The following PMS1 variants were observed in gnomAD, a reference collection of about 807,000 sequenced individuals.
The protein encoded by PMS1 is PMS1 homolog 1, mismatch repair system component.
Under a neutral mutation model 93.1 loss-of-function variants are expected in PMS1, and 79 were observed. The observed-to-expected ratio is 0.85, with a 90% CI of 0.71 to 1.02. The LOEUF (loss-of-function observed/expected upper bound fraction) is 1.02. Ranked by LOEUF, PMS1 falls within the 50% of genes least tolerant of loss-of-function variation. The pLI, the probability that PMS1 is intolerant of heterozygous loss-of-function variation, is 0.00. For missense variants in PMS1, 1,064 were observed against 1,085.3 expected, an observed-to-expected ratio of 0.98 and a Z score of 0.28; for synonymous variants, 335 against 363.4, an observed-to-expected ratio of 0.92 and a Z score of 0.89.
At chr2:189,813,977 T>G (rs1234076573) in intron 4 of PMS1, among the ~76,000 whole-genome samples, 2 of 152,190 alleles carry the variant, frequency 1.3e-5, no homozygotes, top group Non-Finnish European at 2.9e-5. Context: ...AAGAATGAAG[T>G]GAGGTCTCTG....
intron 6 of PMS1, among the ~76,000 whole-genome samples, chr2:189,848,888 C>T (rs2054466795): frequency 6.6e-6 from 1 of 152,170 alleles, no homozygotes; most frequent in African/African-American, 2.4e-5. Context: ...GCCCTTTCTC[C>T]ATCCCTGGCC....
chr2:189,846,708 T>C (rs2054283100), intron 6 of PMS1, among the ~76,000 whole-genome samples: 1 of 152,084 alleles, frequency 6.6e-6, no homozygotes, highest in Admixed American at 6.6e-5. Flanking sequence ...TAAGTCCAAA[T>C]TTTCATGCCT....
intron 4 of PMS1, among the ~76,000 whole-genome samples, chr2:189,817,022 A>G (rs1321048409): frequency 6.6e-6 from 1 of 152,232 alleles, no homozygotes; most frequent in Non-Finnish European, 1.5e-5. Flanking sequence ...GTTCTCAACC[A>G]AGGCAACTTT....
chr2:189,855,182 A>G (rs2055181071), intron 9 of PMS1, 54 bp downstream of exon 9: 4 of 1,442,492 alleles, frequency 2.8e-6, no homozygotes, highest in Non-Finnish European at 1.9e-6. Flanking sequence ...TCCATTCTAT[A>G]TGACTCACTG....
At chr2:189,863,655 CA>C (rs1446424658) in intron 9 of PMS1, 87 bp from the exon 10 acceptor site, 2 of 965,424 alleles carry the variant, frequency 2.1e-6, no homozygotes, top group Non-Finnish European at 3.3e-6. Flanking sequence ...TCTGGAACAC[CA>C]GTACTTTATT....
chr2:189,846,078 C>A (rs190176654), intron 6 of PMS1, among the ~76,000 whole-genome samples: 1 of 152,076 alleles, frequency 6.6e-6, no homozygotes, highest in East Asian at 1.9e-4. Context: ...AAAGAGGGGA[C>A]ATGAGAGGTA....
intron 4 of PMS1, among the ~76,000 whole-genome samples, chr2:189,812,055 C>G (rs2050894210): frequency 6.6e-6 from 1 of 152,062 alleles, no homozygotes; most frequent in South Asian, 2.1e-4. Flanking sequence ...AATCCCAGCA[C>G]TTTGGGAGAC....
intron 5 of PMS1, among the ~76,000 whole-genome samples, chr2:189,824,713 A>G (rs1335331669): frequency 1.3e-5 from 2 of 152,098 alleles, no homozygotes; most frequent in Non-Finnish European, 2.9e-5. Flanking sequence ...AAAATTAAGT[A>G]TTAGCTATTA....
chr2:189,799,967 G>A (rs1219396236), intron 3 of PMS1, among the ~76,000 whole-genome samples: 2 of 152,210 alleles, frequency 1.3e-5, no homozygotes, highest in African/African-American at 4.8e-5. Context: ...AGCCTACAAT[G>A]TAGGTCTTCT....
intron 1 of PMS1, among the ~76,000 whole-genome samples, chr2:189,788,886 C>G (rs994844286): frequency 1.3e-5 from 2 of 152,196 alleles, no homozygotes; most frequent in South Asian, 2.1e-4. Flanking sequence ...TCCCTTAGAT[C>G]GAGGTAATTC....
chr2:189,807,704 C>A (rs911242176), intron 4 of PMS1, among the ~76,000 whole-genome samples: 1 of 152,152 alleles, frequency 6.6e-6, no homozygotes, highest in Non-Finnish European at 1.5e-5. Context: ...GTTGATTTTC[C>A]TTTTCCTGCT....
At chr2:189,851,903 G>GCTGT (rs1448774925) in intron 6 of PMS1, among the ~76,000 whole-genome samples, 3 of 152,092 alleles carry the variant, frequency 2.0e-5, no homozygotes, top group Non-Finnish European at 4.4e-5. Context: ...GTTGTCTTTA[G>GCTGT]CTGTGTTCAT....
At chr2:189,816,122 C>G (rs1220697301) in intron 4 of PMS1, among the ~76,000 whole-genome samples, 1 of 152,158 alleles carries the variant, frequency 6.6e-6, no homozygotes, top group East Asian at 1.9e-4. Flanking sequence ...GTCTCTACTT[C>G]CTGGGCTCAA....
intron 5 of PMS1, 52 bp from the exon 6 acceptor site, chr2:189,843,912 T>A (rs1206526087): frequency 6.0e-6 from 9 of 1,490,418 alleles, no homozygotes; most frequent in Non-Finnish European, 8.4e-6. Flanking sequence ...ACTTCTTGAG[T>A]TTAGTAAATC....
At chr2:189,818,298 A>G in intron 5 of PMS1, 118 bp downstream of exon 5, 1 of 704,358 alleles carries the variant, frequency 1.4e-6, no homozygotes, top group Non-Finnish European at 2.4e-6. Flanking sequence ...CACAAAATTT[A>G]TTTGTTGAAA....
At chr2:189,830,070 G>C (rs2052785346) in intron 5 of PMS1, among the ~76,000 whole-genome samples, 1 of 152,106 alleles carries the variant, frequency 6.6e-6, no homozygotes, top group Non-Finnish European at 1.5e-5. Context: ...ATTCTCTATT[G>C]GGGTCAGTAT....
In PMS1 at chr2:189,852,709, C is replaced by G. The variant is rs2054872223; in HGVS notation, c.754C>G (p.Leu252Val). Reference protein sequence around the residue: ...KCDADHSFTSLSTPERSFIFI... With the variant: ...KCDADHSFTSVSTPERSFIFI... The stretch of plus-strand genomic sequence containing the variant: ...TGATGCAGACCACTCTTTCACTAGT[C>G]TTTCAACACCAGAAAGAAGTTTCAT... Residue 252 changes from leucine (L) to valine (V), a missense_variant, in exon 7 of 13, where the codon CTT becomes GTT. Physicochemically the swap from Leu to Val is conservative, Grantham distance 32 (BLOSUM62 1). Transcript: ENST00000441310. The G allele has an allele frequency of 1.3e-6, 2 of 1,588,908 alleles. No individual in the cohort carries two copies. The highest frequency in any genetic ancestry group is 1.7e-6 in the Non-Finnish European group (2 of 1,157,384).
At chr2:189,786,041 C>T (rs1160284669) in intron 1 of PMS1, among the ~76,000 whole-genome samples, 1 of 152,074 alleles carries the variant, frequency 6.6e-6, no homozygotes. Flanking sequence ...AGGAGAATTG[C>T]TTGAACCTGG....
At chr2:189,836,191 A>T (rs908355741) in intron 5 of PMS1, among the ~76,000 whole-genome samples, 2 of 152,250 alleles carry the variant, frequency 1.3e-5, no homozygotes, top group Admixed American at 1.3e-4. Flanking sequence ...AATATCGAGT[A>T]TTCTCATCTA....
Sources: allele counts gnomAD v4.1 joint callset (sites outside exome capture counted in the v4.1 genomes callset), GRCh38; gene constraint gnomAD v4.1.1; transcripts MANE v1.5; gene names NCBI Gene and HGNC (gene_info 2026-07-23, HGNC 2026-07-21).